Variants in CTNNA2 observed in about 807,000 individuals in gnomAD.
CTNNA2 encodes the protein catenin alpha-2.
CTNNA2 carries 42 observed loss-of-function variants against 101.0 expected under a neutral mutation model. The ratio of observed to expected loss-of-function variants is 0.42; its 90% CI spans 0.32 to 0.54. The LOEUF (loss-of-function observed/expected upper bound fraction) is 0.54. Ranked by LOEUF, CTNNA2 falls within the 20% of genes least tolerant of loss-of-function variation. CTNNA2 has a pLI of 0.14. For synonymous variants in CTNNA2, 450 were observed against 456.4 expected (o/e 0.99, Z 0.18); for missense variants, 871 against 1,223.1 (o/e 0.71, Z 4.29).
intron 1 of CTNNA2, among the ~76,000 whole-genome samples, chr2:79,562,008 G>A (rs1674811039): frequency 6.6e-6 from 1 of 151,818 alleles, no homozygotes; most frequent in South Asian, 2.1e-4. Context: ...TGCTCTTCTG[G>A]TGTCATATCT....
At chr2:79,483,125 G>A (rs975750911) in intron 4 of CTNNA2, among the ~76,000 whole-genome samples, 14 of 152,160 alleles carry the variant, frequency 9.2e-5, no homozygotes, top group Non-Finnish European at 4.4e-5. Context: ...TCTGCTGCAT[G>A]TGCCTTCCTG....
intron 7 of CTNNA2, among the ~76,000 whole-genome samples, chr2:80,205,718 C>T (rs1373803894): frequency 6.6e-6 from 1 of 152,294 alleles, no homozygotes; most frequent in South Asian, 2.1e-4. Flanking sequence ...GATTGCTAAA[C>T]CTTCTCTATT....
intron 6 of CTNNA2, among the ~76,000 whole-genome samples, chr2:79,889,760 C>G (rs1286575331): frequency 6.6e-6 from 1 of 152,190 alleles, no homozygotes. Flanking sequence ...AGCTGTGAAG[C>G]TATTCCCTAG....
intron 3 of CTNNA2, among the ~76,000 whole-genome samples, chr2:79,745,608 G>A (rs1371341468): frequency 6.6e-6 from 1 of 151,962 alleles, no homozygotes; most frequent in African/African-American, 2.4e-5. Context: ...TGAAGCCTCT[G>A]GCAATCACCA....
intron 2 of CTNNA2, among the ~76,000 whole-genome samples, chr2:79,255,406 G>A (rs1335889843): frequency 6.6e-6 from 1 of 152,064 alleles, no homozygotes; most frequent in Non-Finnish European, 1.5e-5. Flanking sequence ...ATTATACATG[G>A]TACATTACTG....
Position 80,545,008 on chromosome 2 carries a change from C to T in CTNNA2, c.1317C>T (p.Ser439=). The T allele has an allele frequency of 1.9e-6, 3 of 1,614,024 alleles. No homozygotes were observed. Among genetic ancestry groups the T allele is most frequent in the Non-Finnish European group, 2.5e-6 (3 of 1,179,938 alleles). Residue 439 remains serine (S), a synonymous_variant, in exon 10 of 19, where the codon TCC becomes TCT. Transcript: ENST00000402739. Reference sequence around the variant, plus strand: ...TTGCCAATTTGGCCTGTTCCATCTCCAACAATGAAGAAGGGGTGAAATTAG... The same window carrying T: ...TTGCCAATTTGGCCTGTTCCATCTCTAACAATGAAGAAGGGGTGAAATTAG... ...VEVANLACSI[S]NNEEGVKLVR... is the part of the protein sequence containing the mutation.
In CTNNA2 at chr2:80,238,477, C is replaced by G. The variant is rs551446444; in HGVS notation, c.1057-154734C>G. Among the ~76,000 whole-genome samples, 31 of 152,190 alleles carry G rather than the reference C, an allele frequency of 2.0e-4. No homozygotes were observed. The East Asian group carries it at 5.4e-3, about 27-fold the overall frequency. ...GCTGATGTGCCTTTTTATTATGAAG[C>G]TGGGAAAGGGAATGAGGAGGAGAAG... On this transcript the variant is annotated intron_variant, in intron 7 of 18. Coordinates refer to ENST00000402739, the MANE Select transcript of CTNNA2 (RefSeq NM_001282597.3).
chr2:80,559,878 T>TATCTATCTATCTATCTATCTATATATA (rs1693393440), intron 12 of CTNNA2, among the ~76,000 whole-genome samples: 3 of 113,932 alleles, frequency 2.6e-5, no homozygotes, highest in African/African-American at 9.1e-5. Flanking sequence ...GATATCATAT[T>TATCTATCTATCTATCTATCTATATATA]TATATATATA....
At chr2:79,470,474 C>G (rs760787010) in intron 4 of CTNNA2, among the ~76,000 whole-genome samples, 1 of 152,108 alleles carries the variant, frequency 6.6e-6, no homozygotes, top group Non-Finnish European at 1.5e-5. Flanking sequence ...AATGGAGCAG[C>G]CTGTATTAAT....
At chr2:79,956,996 C>T (rs1299087421) in intron 7 of CTNNA2, among the ~76,000 whole-genome samples, 3 of 152,004 alleles carry the variant, frequency 2.0e-5, no homozygotes, top group African/African-American at 4.8e-5. Flanking sequence ...AACAAAATCT[C>T]ATCCAAACAC....
chr2:79,494,009 G>T (rs970000401), intron 4 of CTNNA2: 3 of 151,794 alleles, frequency 2.0e-5, no homozygotes, highest in African/African-American at 7.3e-5. Context: ...GAAAACAATT[G>T]TATTTCTATA....
intron 9 of CTNNA2, among the ~76,000 whole-genome samples, chr2:80,426,745 C>G (rs962729147): frequency 1.3e-5 from 2 of 151,954 alleles, no homozygotes; most frequent in African/African-American, 4.8e-5. Context: ...CTCCTTCCTC[C>G]ACCACCCCCA....
intron 7 of CTNNA2, among the ~76,000 whole-genome samples, chr2:79,964,185 G>A (rs1689855757): frequency 6.6e-6 from 1 of 152,110 alleles, no homozygotes. Flanking sequence ...CTTAAACTAG[G>A]TTGATCTTAT....
chr2:80,264,492 T>G (rs559103750), intron 7 of CTNNA2, among the ~76,000 whole-genome samples: 6 of 152,154 alleles, frequency 3.9e-5, no homozygotes, highest in Non-Finnish European at 5.9e-5. Flanking sequence ...CCATTTGATT[T>G]TGACTGCATT....
chr2:80,445,688 C>T (rs1281317883), intron 9 of CTNNA2, among the ~76,000 whole-genome samples: 1 of 152,186 alleles, frequency 6.6e-6, no homozygotes, highest in Non-Finnish European at 1.5e-5. Flanking sequence ...GATTCTGACA[C>T]AGTCTAGGGA....
At chr2:80,368,861 G>GTA (rs1233622215) in intron 7 of CTNNA2, among the ~76,000 whole-genome samples, 2 of 126,494 alleles carry the variant, frequency 1.6e-5, no homozygotes, top group East Asian at 5.6e-4. Context: ...GTGTGTGTGT[G>GTA]TGTGTGTATA....
intron 7 of CTNNA2, among the ~76,000 whole-genome samples, chr2:80,039,371 G>A (rs1022697808): frequency 2.0e-5 from 3 of 152,158 alleles, no homozygotes; most frequent in Admixed American, 1.3e-4. Flanking sequence ...CAGAATGTCC[G>A]GGGAAATGTG....
chr2:80,111,252 T>A (rs1701192842), intron 7 of CTNNA2, among the ~76,000 whole-genome samples: 1 of 152,194 alleles, frequency 6.6e-6, no homozygotes, highest in Admixed American at 6.5e-5. Context: ...ACTTTTAAAA[T>A]CTTCTACATT....
chr2:80,038,191 G>A (rs896624429), intron 7 of CTNNA2, among the ~76,000 whole-genome samples: 1 of 152,174 alleles, frequency 6.6e-6, no homozygotes, highest in African/African-American at 2.4e-5. Context: ...AGAAGGTCGG[G>A]ATCCTGCTAA....
Sources: gnomAD v4.1 joint callset for allele counts (sites outside exome capture counted in the v4.1 genomes callset) on GRCh38, gnomAD v4.1.1 for gene constraint, MANE v1.5 for transcripts, NCBI Gene and HGNC (gene_info 2026-07-23, HGNC 2026-07-21) for gene names.